ENAH: variants seen among roughly 807,000 people sequenced by gnomAD.
The protein encoded by ENAH is ENAH actin regulator.
Under a neutral mutation model 78.7 loss-of-function variants are expected in ENAH, and 23 were observed. The ratio of observed to expected loss-of-function variants is 0.29; its 90% CI spans 0.21 to 0.41. ENAH has a LOEUF of 0.41. Ranked by LOEUF, ENAH falls within the 10% of genes least tolerant of loss-of-function variation. ENAH has a pLI of 1.00. For synonymous variants in ENAH, 226 were observed against 241.0 expected, an observed-to-expected ratio of 0.94 and a Z score of 0.58; for missense variants, 544 against 691.0, an observed-to-expected ratio of 0.79 and a Z score of 2.39.
At chr1:225,631,330 C>T (rs1488362819) in intron 1 of ENAH, among the ~76,000 whole-genome samples, 2 of 151,884 alleles carry the variant, frequency 1.3e-5, no homozygotes, top group Non-Finnish European at 2.9e-5. Context: ...AATCCCAGCA[C>T]TTTGGGAGGC....
chr1:225,529,588 T>C lies in ENAH; in HGVS notation c.434+966A>G, dbSNP rs185028819. On this transcript the variant is annotated intron_variant, in intron 4 of 13. Coordinates refer to ENST00000366843, the MANE Select transcript of ENAH (RefSeq NM_018212.6). ...CATGTCATGTTTATTGTCTGATGAG[T>C]TTCAGGCTTTTTGTTCCCTCCACTC... is the stretch of plus-strand genomic sequence containing the variant. Among the ~76,000 whole-genome samples the C allele has an allele frequency of 2.0e-5, 3 of 152,184 alleles. No homozygotes were observed. The East Asian group carries it at 5.8e-4, about 29-fold the overall frequency.
chr1:225,535,201 C>A (rs1167106036), intron 3 of ENAH, among the ~76,000 whole-genome samples: 4 of 151,946 alleles, frequency 2.6e-5, no homozygotes, highest in African/African-American at 9.7e-5. Flanking sequence ...TGCTCCCAAA[C>A]AAAATAATTA....
intron 10 of ENAH, 111 bp downstream of exon 10, chr1:225,511,700 T>C: frequency 1.5e-6 from 1 of 650,030 alleles, no homozygotes; most frequent in Non-Finnish European, 2.5e-6. Context: ...ACTCTGGCAT[T>C]TTAGTGTCCA....
At position 225,650,876 on chromosome 1, in the gene ENAH, A is replaced by C. The variant is rs570544608; in HGVS notation, c.5+1810T>G. ...AAAAAAAAAAAAAAAAAAAAAAAAA[A>C]AACTTTCCCTGTTTTATATTTCTCA... is the stretch of plus-strand genomic sequence containing the variant. On this transcript the variant is annotated intron_variant, in intron 1 of 13. Transcript: ENST00000366843. 5.6e-4 allele frequency among the ~76,000 whole-genome samples: 84 copies of C among 149,180 alleles called. No individual in the cohort carries two copies. In the East Asian group the frequency reaches 0.013, roughly 24 times the overall value.
At chr1:225,651,395 G>GA (rs919149171) in intron 1 of ENAH, among the ~76,000 whole-genome samples, 95 of 147,180 alleles carry the variant, frequency 6.5e-4, no homozygotes, top group Admixed American at 3.2e-3. Flanking sequence ...AACCTTGATA[G>GA]AAAAAAAAAA....
intron 3 of ENAH, among the ~76,000 whole-genome samples, chr1:225,536,106 T>C (rs895745860): frequency 1.3e-5 from 2 of 152,286 alleles, no homozygotes; most frequent in South Asian, 2.1e-4. Context: ...AGAATATCTT[T>C]GGTTTGCTAA....
chr1:225,653,787 T>A (rs1663492329), upstream of ENAH, among the ~76,000 whole-genome samples: 1 of 152,226 alleles, frequency 6.6e-6, no homozygotes, highest in Admixed American at 6.5e-5. The surrounding 1 kb of genome is among the most constrained non-coding windows in gnomAD (Gnocchi z 4.3). Context: ...TCGCCGCGGC[T>A]GCGCCCAGCG....
At chr1:225,582,151 T>A (rs763199774) in intron 1 of ENAH, among the ~76,000 whole-genome samples, 1 of 152,044 alleles carries the variant, frequency 6.6e-6, no homozygotes. Context: ...TGAGATCTGG[T>A]TGTCTTCCCC....
chr1:225,556,706 T>C (rs934251182), intron 2 of ENAH, among the ~76,000 whole-genome samples: 4 of 152,232 alleles, frequency 2.6e-5, no homozygotes, highest in African/African-American at 9.6e-5. Flanking sequence ...ATTAGCAATC[T>C]TTTCCTTTAT....
chr1:225,581,326 A>G lies in ENAH; in HGVS notation c.6-13912T>C, dbSNP rs1048094781. 24 of 982,678 alleles carry G rather than the reference A, an allele frequency of 2.4e-5. No individual in the cohort carries two copies. In the African/African-American group the frequency reaches 4.0e-4, roughly 16 times the overall value. 60.9% of individuals were successfully genotyped at this position (982,678 alleles called of 1,614,324 possible). On this transcript the variant is annotated intron_variant, in intron 1 of 13. Coordinates refer to ENST00000366843, the MANE Select transcript of ENAH (RefSeq NM_018212.6). Reference sequence around the variant, plus strand: ...GGCAAAGCCTCTCAAAATACTTTCCAAGCACCGTAGAGTTAAAAATATCAA... The same window carrying G: ...GGCAAAGCCTCTCAAAATACTTTCCGAGCACCGTAGAGTTAAAAATATCAA...
Position 225,497,741 on chromosome 1 carries a change from A to T in ENAH, c.*34T>A. On this transcript the variant is annotated 3_prime_UTR_variant, in exon 14 of 14. Transcript: ENST00000366843. ...GTTGTTTGTAGGATATTTTTCCTCC[A>T]GATTAAAGTCCTATCTCTCCTTAGT... is the stretch of plus-strand genomic sequence containing the variant. The T allele has an allele frequency of 6.2e-7, 1 of 1,602,960 alleles. No individual in the cohort carries two copies.
At chr1:225,503,678 A>AC (rs1553413035) in intron 11 of ENAH, among the ~76,000 whole-genome samples, 2 of 138,730 alleles carry the variant, frequency 1.4e-5, no homozygotes, top group Admixed American at 6.9e-5. Context: ...AAAAAAAAAA[A>AC]CACAAAACTA....
intron 7 of ENAH, among the ~76,000 whole-genome samples, chr1:225,514,270 G>A (rs1015194920): frequency 2.6e-4 from 39 of 152,080 alleles, no homozygotes; most frequent in African/African-American, 8.4e-4. Flanking sequence ...GGGTTCAAGC[G>A]ATTCTTCTGC....
chr1:225,587,975 T>G (rs1362902263), intron 1 of ENAH, among the ~76,000 whole-genome samples: 1 of 152,014 alleles, frequency 6.6e-6, no homozygotes, highest in African/African-American at 2.4e-5. Context: ...TACAAAAAAA[T>G]TATTCAAGAT....
chr1:225,610,964 T>C lies in ENAH; in HGVS notation c.5+41722A>G, dbSNP rs986984384. On this transcript the variant is annotated intron_variant, in intron 1 of 13. Transcript: ENST00000366843. ...CAGATGAACGGCACAGATCTAACGTTAGGCCGAAAAAGGCAGATACAGAAT... is the reference window on the plus strand; with the variant it reads ...CAGATGAACGGCACAGATCTAACGTCAGGCCGAAAAAGGCAGATACAGAAT... 2.0e-5 allele frequency among the ~76,000 whole-genome samples: 3 copies of C among 152,166 alleles called. No individual in the cohort carries two copies. In the East Asian group the frequency reaches 5.8e-4, roughly 29 times the overall value.
chr1:225,500,882 C>CTCTA (rs2096278450), intron 12 of ENAH, 110 bp downstream of exon 12: 1 of 986,466 alleles, frequency 1.0e-6, no homozygotes, highest in African/African-American at 1.6e-5. Flanking sequence ...ATAACAATAG[C>CTCTA]TCTATCGTCT....
In ENAH at chr1:225,491,869, G is replaced by C. The variant is rs2096223843; in HGVS notation, c.*5906C>G. The stretch of plus-strand genomic sequence containing the variant: ...ATAACATCATCCATCTCCTTTATTA[G>C]TTATTTCTTTATGCTTTTAGAATTG... On this transcript the variant is annotated 3_prime_UTR_variant, in exon 14 of 14. Transcript: ENST00000366843. 1 of 152,072 alleles carries C rather than the reference G, an allele frequency of 6.6e-6. No homozygotes were observed. Among genetic ancestry groups the C allele is most frequent in the Admixed American group, 6.6e-5 (1 of 15,262 alleles). The allele number at this position is 152,072 out of a possible 1,614,324, so 9.4% of individuals were successfully genotyped here.
chr1:225,500,608 A>G (rs1315437747), intron 12 of ENAH, among the ~76,000 whole-genome samples: 1 of 152,250 alleles, frequency 6.6e-6, no homozygotes, highest in Non-Finnish European at 1.5e-5. Context: ...TTTAGAAAGC[A>G]GAAGTATAGA....
At chr1:225,563,204 G>A (rs918063413) in intron 2 of ENAH, among the ~76,000 whole-genome samples, 2 of 152,142 alleles carry the variant, frequency 1.3e-5, no homozygotes, top group Admixed American at 6.5e-5. Flanking sequence ...ACTCCTGGGA[G>A]ATTTTTATGC....
Sources: allele counts gnomAD v4.1 joint callset (sites outside exome capture counted in the v4.1 genomes callset), GRCh38; gene constraint gnomAD v4.1.1; non-coding constraint Gnocchi (gnomAD v3.1); transcripts MANE v1.5; gene names NCBI Gene and HGNC (gene_info 2026-07-23, HGNC 2026-07-21).